PTPRT: variants seen among roughly 807,000 people sequenced by gnomAD.
PTPRT encodes protein tyrosine phosphatase receptor type T.
Under a neutral mutation model 176.8 loss-of-function variants are expected in PTPRT, and 56 were observed. The ratio of observed to expected loss-of-function variants is 0.32; its 90% confidence interval spans 0.26 to 0.40. PTPRT has a LOEUF of 0.40. Among genes scored for constraint, PTPRT ranks in the 10% least tolerant of loss-of-function variants. The pLI, the probability that PTPRT is intolerant of heterozygous loss-of-function variation, is 1.00. For missense variants in PTPRT, 1,540 were observed against 1,908.2 expected (o/e 0.81, Z 3.60); for synonymous variants, 783 against 739.0 (o/e 1.06, Z -0.96).
intron 7 of PTPRT, among the ~76,000 whole-genome samples, chr20:42,606,098 G>T (rs985288984): frequency 6.6e-6 from 1 of 152,188 alleles, no homozygotes; most frequent in African/African-American, 2.4e-5. Flanking sequence ...AGAAATGCTG[G>T]CTTAGACCAC....
At chr20:43,169,790 T>G (rs1285996489) in intron 1 of PTPRT, among the ~76,000 whole-genome samples, 1 of 152,164 alleles carries the variant, frequency 6.6e-6, no homozygotes, top group African/African-American at 2.4e-5. Context: ...GCCTTCTCCC[T>G]CCTTCTAAAC....
chr20:42,152,827 T>C (rs1386299977), intron 17 of PTPRT, among the ~76,000 whole-genome samples: 1 of 152,228 alleles, frequency 6.6e-6, no homozygotes, highest in African/African-American at 2.4e-5. Context: ...GATCATAACC[T>C]TGGTAACTGT....
At chr20:43,182,386 T>C (rs535426602) in intron 1 of PTPRT, among the ~76,000 whole-genome samples, 1 of 151,370 alleles carries the variant, frequency 6.6e-6, no homozygotes, top group Non-Finnish European at 1.5e-5. Context: ...TTTGCAAACA[T>C]CTTCCTTCTT....
chr20:42,209,394 T>C (rs6016720), intron 15 of PTPRT, among the ~76,000 whole-genome samples: 94,413 of 151,230 alleles, frequency 0.62, 30,304 homozygotes, highest in African/African-American at 0.77. Context: ...ATTGATAGAC[T>C]GCTAGCAAGA....
chr20:42,472,402 C>T lies in PTPRT; in HGVS notation c.1314G>A (p.Glu438=), dbSNP rs777439284. The change falls in exon 8 of 31, where the codon GAG becomes GAA. Residue 438 remains glutamate (E), a synonymous_variant. Coordinates refer to ENST00000373187, the MANE Select transcript of PTPRT (RefSeq NM_007050.6). ...AGTGGGAGGAGGTCTGGATGACCTC[C>T]TCGGCCTCGTACTGCTGCTGGTTGA... ...YVFNQQQYEA[E]EVIQTSSHYT... 6.2e-7 allele frequency: 1 copy of T among 1,614,228 alleles called. No individual in the cohort carries two copies. The highest frequency in any genetic ancestry group is 1.3e-5 in the African/African-American group (1 of 75,056).
At chr20:42,662,832 A>C (rs2075247729) in intron 7 of PTPRT, among the ~76,000 whole-genome samples, 1 of 17,656 alleles carries the variant, frequency 5.7e-5, no homozygotes, top group South Asian at 1.8e-3. Flanking sequence ...TGATTCACTA[A>C]CTAATAAAAA....
At chr20:42,728,590 T>A (rs1191522587) in intron 6 of PTPRT, among the ~76,000 whole-genome samples, 1 of 152,126 alleles carries the variant, frequency 6.6e-6, no homozygotes. Context: ...ATATACAGTA[T>A]CTCATTTAAT....
At chr20:42,797,503 A>T (rs989448878) in intron 2 of PTPRT, among the ~76,000 whole-genome samples, 24 of 146,366 alleles carry the variant, frequency 1.6e-4, no homozygotes, top group East Asian at 4.0e-4. Context: ...CCTGACCCCC[A>T]CCCCTCCTGC....
At chr20:42,341,450 T>C (rs6072689) in intron 11 of PTPRT, among the ~76,000 whole-genome samples, 116,105 of 152,152 alleles carry the variant, frequency 0.76, 45,186 homozygotes, top group African/African-American at 0.92. Flanking sequence ...CGATTCTTCC[T>C]TTGAATTTCT....
intron 17 of PTPRT, among the ~76,000 whole-genome samples, chr20:42,142,570 T>C (rs1988678806): frequency 1.3e-5 from 2 of 152,054 alleles, no homozygotes; most frequent in African/African-American, 2.4e-5. Context: ...CCCTTATCCT[T>C]GGAGGATTTG....
At chr20:42,384,609 T>C (rs2058726412) in intron 9 of PTPRT, among the ~76,000 whole-genome samples, 1 of 152,170 alleles carries the variant, frequency 6.6e-6, no homozygotes, top group African/African-American at 2.4e-5. Flanking sequence ...CTTCAATTCT[T>C]TTGGGTATAT....
At chr20:42,805,835 G>A (rs570171547) in intron 2 of PTPRT, among the ~76,000 whole-genome samples, 4 of 151,800 alleles carry the variant, frequency 2.6e-5, no homozygotes, top group African/African-American at 9.7e-5. Flanking sequence ...AATTTATTGA[G>A]TCTCGACCTA....
intron 7 of PTPRT, among the ~76,000 whole-genome samples, chr20:42,520,746 T>C (rs897419984): frequency 2.0e-5 from 3 of 151,862 alleles, no homozygotes; most frequent in African/African-American, 2.4e-5. Flanking sequence ...GTTGTGTTCA[T>C]TGTTACTAGG....
At chr20:43,112,387 T>C (rs1175144867) in intron 1 of PTPRT, among the ~76,000 whole-genome samples, 1 of 152,158 alleles carries the variant, frequency 6.6e-6, no homozygotes, top group Non-Finnish European at 1.5e-5. Context: ...ATGGGAAATT[T>C]CCATATGGGA....
chr20:42,115,233 G>T lies in PTPRT; in HGVS notation c.3065C>A (p.Ala1022Glu). ...TGTGAAGGTGCGTATGACGTATTCT[G>T]CCAGGGGCTCTGTTTCAATCAGGGT... is the stretch of plus-strand genomic sequence containing the variant. ...KVTLIETEPL[A>E]EYVIRTFTVQ... The change falls in exon 22 of 31, where the codon GCA (alanine) becomes GAA (glutamate). Residue 1022 changes from alanine to glutamate, a missense_variant. This residue lies in a region of PTPRT where 248 missense variants were observed against 356.7 expected (regional missense o/e 0.70). Coordinates refer to ENST00000373187, the MANE Select transcript of PTPRT (RefSeq NM_007050.6). The T allele has an allele frequency of 1.2e-6, 2 of 1,614,124 alleles. No homozygotes were observed. The highest frequency in any genetic ancestry group is 1.7e-6 in the Non-Finnish European group (2 of 1,179,964).
chr20:42,617,305 G>A (rs1203635605), intron 7 of PTPRT, among the ~76,000 whole-genome samples: 83 of 133,636 alleles, frequency 6.2e-4, no homozygotes, highest in African/African-American at 1.1e-3. Flanking sequence ...GATCATGGTG[G>A]ATAAGCTTTT....
intron 11 of PTPRT, among the ~76,000 whole-genome samples, chr20:42,318,550 C>T (rs181956034): frequency 1.5e-3 from 234 of 152,256 alleles, no homozygotes; most frequent in African/African-American, 5.5e-3. Context: ...CCTGCTGAAG[C>T]TAACAACAGA....
At chr20:43,185,930 CAAA>C (rs11476337) in intron 1 of PTPRT, among the ~76,000 whole-genome samples, 1 of 146,912 alleles carries the variant, frequency 6.8e-6, no homozygotes. Context: ...AGACTGATCT[CAAA>C]AAAAAAAAAG....
At chr20:42,059,794 G>A in the PTPRT span, among the ~76,000 whole-genome samples, 1 of 152,130 alleles carries the variant, frequency 6.6e-6, no homozygotes, top group Middle Eastern at 3.2e-3. Context: ...TTCCCGAGAA[G>A]CTCGAGGCTG....
Sources: gnomAD v4.1 joint callset for allele counts (sites outside exome capture counted in the v4.1 genomes callset) on GRCh38, gnomAD v4.1.1 for gene constraint, gnomAD v4.1.1 regional missense constraint, MANE v1.5 for transcripts, NCBI Gene and HGNC (gene_info 2026-07-23, HGNC 2026-07-21) for gene names.